Variants in RANGAP1 observed in about 807,000 individuals in gnomAD.
RANGAP1 encodes ran GTPase-activating protein 1.
A neutral mutation model predicts 63.5 loss-of-function variants in RANGAP1; 38 were observed. The ratio of observed to expected loss-of-function variants is 0.60; its 90% CI spans 0.46 to 0.78. The LOEUF (loss-of-function observed/expected upper bound fraction) is 0.78, where lower values mean the gene tolerates loss of function less well. Among genes scored for constraint, RANGAP1 ranks in the 30% least tolerant of loss-of-function variants. RANGAP1 has a pLI of 0.00. For missense variants in RANGAP1, 630 were observed against 740.3 expected, an observed-to-expected ratio of 0.85 and a Z score of 1.73; for synonymous variants, 329 against 310.5, an observed-to-expected ratio of 1.06 and a Z score of -0.63.
chr22:41,302,228 T>C, the RANGAP1 span, among the ~76,000 whole-genome samples: 2 of 151,714 alleles, frequency 1.3e-5, no homozygotes, highest in Non-Finnish European at 2.9e-5. This position sits in a 1 kb window ranked among gnomAD's most constrained non-coding sequence, Gnocchi z 5.7. Flanking sequence ...TCCTTTTGTG[T>C]TGTCCTTGGC....
At chr22:41,266,838 G>A (rs904056245) in intron 4 of RANGAP1, among the ~76,000 whole-genome samples, 7 of 150,912 alleles carry the variant, frequency 4.6e-5, no homozygotes, top group Admixed American at 6.6e-5. Context: ...GAGCCACTGC[G>A]CCTGGCCTAA....
chr22:41,298,428 C>T, the RANGAP1 span, among the ~76,000 whole-genome samples: 4 of 152,142 alleles, frequency 2.6e-5, no homozygotes, highest in Admixed American at 2.6e-4. Context: ...GATTCTCCTG[C>T]CTTAGCCTCC....
the RANGAP1 span, among the ~76,000 whole-genome samples, chr22:41,294,127 A>G: frequency 6.6e-6 from 1 of 152,114 alleles, no homozygotes; most frequent in Non-Finnish European, 1.5e-5. Context: ...TACTGCTGCC[A>G]TCTCGGCTCA....
intron 2 of RANGAP1, among the ~76,000 whole-genome samples, chr22:41,278,690 T>C (rs1459109061): frequency 6.6e-6 from 1 of 152,226 alleles, no homozygotes; most frequent in Non-Finnish European, 1.5e-5. Flanking sequence ...AATTCCTTTT[T>C]CTCATTTATA....
intron 2 of RANGAP1, among the ~76,000 whole-genome samples, chr22:41,279,410 C>A (rs2035358234): frequency 6.6e-6 from 1 of 151,392 alleles, no homozygotes; most frequent in Non-Finnish European, 1.5e-5. Context: ...GCAGAGCTTA[C>A]AGTGAGCCGA....
the RANGAP1 span, chr22:41,301,667 AT>A: frequency 6.6e-6 from 1 of 152,146 alleles, no homozygotes; most frequent in Non-Finnish European, 1.5e-5. Context: ...ATTAAATAGC[AT>A]TTACTCTTAT....
intron 1 of RANGAP1, chr22:41,285,715 GC>G (rs1285263512): frequency 3.5e-5 from 34 of 980,446 alleles, no homozygotes; most frequent in Non-Finnish European, 4.1e-5. Context: ...TGACAACAAT[GC>G]TAATATGAGA....
At position 41,261,578 on chromosome 22, in the gene RANGAP1, G is replaced by A; in HGVS notation, c.483C>T (p.Ile161=). ...NCGMGIGGGK[I]LAAALTECHR... is the part of the protein sequence containing the mutation. Reference sequence around the variant, plus strand: ...GACATTCGGTCAGAGCTGCAGCCAGGATCTGTGGGGAAAGGCAAGGGGCCC... The same window carrying A: ...GACATTCGGTCAGAGCTGCAGCCAGAATCTGTGGGGAAAGGCAAGGGGCCC... The change falls in exon 6 of 16, where the codon ATC becomes ATT. Residue 161 remains isoleucine, a splice_region_variant and synonymous_variant. Coordinates refer to ENST00000356244, the MANE Select transcript of RANGAP1 (RefSeq NM_002883.4). 1.2e-6 allele frequency: 2 copies of A among 1,614,220 alleles called. No homozygotes were observed. Among genetic ancestry groups the A allele is most frequent in the Non-Finnish European group, 1.7e-6 (2 of 1,180,048 alleles).
intron 5 of RANGAP1, among the ~76,000 whole-genome samples, chr22:41,264,085 A>C (rs544792741): frequency 1.1e-3 from 174 of 152,302 alleles, no homozygotes; most frequent in African/African-American, 4.1e-3. Flanking sequence ...CCTGGCACTC[A>C]GTGTCCTCCA....
chr22:41,294,844 G>A, the RANGAP1 span, among the ~76,000 whole-genome samples: 1 of 28,536 alleles, frequency 3.5e-5, no homozygotes, highest in Non-Finnish European at 6.7e-5. Flanking sequence ...AGTGAGGAGC[G>A]TCTCCGCCCG....
At chr22:41,274,836 C>T (rs1439267573) in intron 2 of RANGAP1, 109 bp from the exon 3 acceptor site, 9 of 1,364,138 alleles carry the variant, frequency 6.6e-6, no homozygotes, top group Non-Finnish European at 9.1e-6. Flanking sequence ...GTGCACCTAC[C>T]ATGCAATGAG....
intron 3 of RANGAP1, among the ~76,000 whole-genome samples, chr22:41,272,823 C>CT (rs1335945182): frequency 5.4e-5 from 8 of 148,068 alleles, no homozygotes; most frequent in African/African-American, 1.7e-4. Flanking sequence ...TTTTTTTTTT[C>CT]TTTTTTTGAG....
intron 7 of RANGAP1, 80 bp from the exon 8 acceptor site, chr22:41,256,904 G>A: frequency 9.5e-7 from 1 of 1,054,626 alleles, no homozygotes; most frequent in Non-Finnish European, 1.4e-6. Context: ...GCCCCACACG[G>A]TCACATCCCA....
rs1001402110 is a variant in RANGAP1, at chr22:41,267,358, G to A, written c.300+739C>T. Among the ~76,000 whole-genome samples the A allele has an allele frequency of 2.0e-5, 3 of 152,060 alleles. No homozygotes were observed. The East Asian group carries it at 5.8e-4, about 29-fold the overall frequency. On this transcript the variant is annotated intron_variant, in intron 4 of 15. Transcript: ENST00000356244. ...TGTCTTTAAAAAAAAATAAAAGGAG[G>A]TTGGGCGCAACCAGGGTGAGGGGCT...
chr22:41,251,759 T>C (rs950392327), intron 12 of RANGAP1, among the ~76,000 whole-genome samples: 1 of 151,760 alleles, frequency 6.6e-6, no homozygotes, highest in African/African-American at 2.4e-5. Context: ...CAGGGAAAAG[T>C]GGAAAAAACG....
the RANGAP1 span, among the ~76,000 whole-genome samples, chr22:41,292,689 T>G: frequency 6.6e-6 from 1 of 151,326 alleles, no homozygotes; most frequent in African/African-American, 2.4e-5. Flanking sequence ...GGAGGTTGCA[T>G]GAGCCGAAAT....
chr22:41,280,872 G>T, intron 2 of RANGAP1, 61 bp downstream of exon 2: 1 of 1,607,070 alleles, frequency 6.2e-7, no homozygotes, highest in Non-Finnish European at 8.5e-7. Context: ...CAACCAGTAA[G>T]AGTTCAGTAC....
intron 10 of RANGAP1, among the ~76,000 whole-genome samples, chr22:41,254,869 G>A (rs1203213835): frequency 6.6e-6 from 1 of 152,022 alleles, no homozygotes; most frequent in African/African-American, 2.4e-5. Flanking sequence ...CTACTCAGGA[G>A]GCTGAGGCAG....
chr22:41,271,463 G>A (rs1000999687), intron 3 of RANGAP1, among the ~76,000 whole-genome samples: 27 of 151,184 alleles, frequency 1.8e-4, no homozygotes, highest in Non-Finnish European at 3.1e-4. Flanking sequence ...TTGGGAGGCC[G>A]AGGCGGGCGG....
Sources: gnomAD v4.1 joint callset for allele counts (sites outside exome capture counted in the v4.1 genomes callset) on GRCh38, gnomAD v4.1.1 for gene constraint, Gnocchi (gnomAD v3.1) non-coding constraint, MANE v1.5 for transcripts, NCBI Gene and HGNC (gene_info 2026-07-23, HGNC 2026-07-21) for gene names.